HS2ST1: variants seen among roughly 807,000 people sequenced by gnomAD.
HS2ST1 encodes the protein heparan sulfate 2-O-sulfotransferase 1, also known as 2-O-sulfotransferase.
A neutral mutation model predicts 42.9 loss-of-function variants in HS2ST1; 18 were observed. The ratio of observed to expected loss-of-function variants is 0.42; its 90% confidence interval spans 0.29 to 0.62. HS2ST1 has a LOEUF of 0.62. Among genes scored for constraint, HS2ST1 ranks in the 20% least tolerant of loss-of-function variants. HS2ST1 has a pLI of 0.21. For synonymous variants in HS2ST1, 146 were observed against 152.9 expected (o/e 0.95, Z 0.33); for missense variants, 334 against 433.8 (o/e 0.77, Z 2.04).
At chr1:87,055,315 C>G (rs771556464) in intron 1 of HS2ST1, among the ~76,000 whole-genome samples, 9 of 152,122 alleles carry the variant, frequency 5.9e-5, no homozygotes, top group Non-Finnish European at 1.2e-4. Context: ...CTCAAATTCA[C>G]TGAATGGTAC....
intron 1 of HS2ST1, among the ~76,000 whole-genome samples, chr1:86,983,800 TG>T (rs1334385979): frequency 6.6e-6 from 1 of 151,908 alleles, no homozygotes; most frequent in African/African-American, 2.4e-5. Flanking sequence ...CCCAGCCCTT[TG>T]GGAGGCCGAG....
chr1:87,023,648 C>T (rs947931188), intron 1 of HS2ST1, among the ~76,000 whole-genome samples: 1 of 152,008 alleles, frequency 6.6e-6, no homozygotes, highest in Non-Finnish European at 1.5e-5. Flanking sequence ...ACTCTGTCTT[C>T]AACAGGTAGC....
intron 1 of HS2ST1, among the ~76,000 whole-genome samples, chr1:86,952,184 G>C (rs1647537807): frequency 6.6e-6 from 1 of 152,166 alleles, no homozygotes; most frequent in Non-Finnish European, 1.5e-5. Flanking sequence ...ACTTTGCCCA[G>C]ATAGAGGAAT....
Position 87,107,891 on chromosome 1 carries a change from A to G in HS2ST1, c.*3195A>G, listed in dbSNP as rs1487488807. ...GATTACTTTCCTATCATCCATATGCATTTGTGCAACTTCAAACATATTGGG... is the reference window on the plus strand; with the variant it reads ...GATTACTTTCCTATCATCCATATGCGTTTGTGCAACTTCAAACATATTGGG... On this transcript the variant is annotated 3_prime_UTR_variant, in exon 7 of 7. Coordinates refer to ENST00000370550, the MANE Select transcript of HS2ST1 (RefSeq NM_012262.4). 1.3e-5 allele frequency: 2 copies of G among 152,096 alleles called. No homozygotes were observed. Among genetic ancestry groups the G allele is most frequent in the African/African-American group, 4.8e-5 (2 of 41,444 alleles). 9.4% of individuals were successfully genotyped at this position (152,096 alleles called of 1,614,324 possible).
intron 1 of HS2ST1, among the ~76,000 whole-genome samples, chr1:87,069,514 A>G (rs1315571359): frequency 6.6e-6 from 1 of 152,216 alleles, no homozygotes; most frequent in African/African-American, 2.4e-5. Context: ...GATTTTAAGT[A>G]TTGCCACAGA....
chr1:87,022,954 G>C (rs1570492270), intron 1 of HS2ST1, among the ~76,000 whole-genome samples: 1 of 152,274 alleles, frequency 6.6e-6, no homozygotes, highest in South Asian at 2.1e-4. Flanking sequence ...AGCTGAGGTG[G>C]ATGTAGGAGG....
chr1:87,014,471 A>G (rs143475351), intron 1 of HS2ST1, among the ~76,000 whole-genome samples: 53 of 152,352 alleles, frequency 3.5e-4, no homozygotes, highest in African/African-American at 1.3e-3. Flanking sequence ...GGGAGCTGCA[A>G]TTTGAGATGT....
chr1:87,023,889 G>A (rs1353674213), intron 1 of HS2ST1, among the ~76,000 whole-genome samples: 1 of 151,676 alleles, frequency 6.6e-6, no homozygotes, highest in Non-Finnish European at 1.5e-5. Flanking sequence ...AGGTCATGCC[G>A]CCACTGGGAC....
At chr1:87,101,370 T>A (rs1424716386) in intron 5 of HS2ST1, among the ~76,000 whole-genome samples, 1 of 151,878 alleles carries the variant, frequency 6.6e-6, no homozygotes, top group Non-Finnish European at 1.5e-5. Flanking sequence ...TTCGCTATGT[T>A]GGCCAGGCTG....
chr1:86,971,351 C>T (rs1426170094), intron 1 of HS2ST1, among the ~76,000 whole-genome samples: 1 of 152,160 alleles, frequency 6.6e-6, no homozygotes. Context: ...TTCTTCAGTT[C>T]TGTGAGCTAC....
intron 1 of HS2ST1, among the ~76,000 whole-genome samples, chr1:86,961,757 A>T (rs560404849): frequency 1.3e-5 from 2 of 152,222 alleles, no homozygotes; most frequent in African/African-American, 4.8e-5. Flanking sequence ...CCATTAGGTA[A>T]TCATTCCCTA....
At chr1:86,961,057 T>C (rs1409605326) in intron 1 of HS2ST1, among the ~76,000 whole-genome samples, 2 of 151,894 alleles carry the variant, frequency 1.3e-5, no homozygotes, top group Admixed American at 1.3e-4. Context: ...CAAACTGTGG[T>C]ACATCCAGAC....
At chr1:86,943,454 C>T (rs1322664143) in intron 1 of HS2ST1, among the ~76,000 whole-genome samples, 3 of 152,142 alleles carry the variant, frequency 2.0e-5, no homozygotes, top group African/African-American at 7.2e-5. Context: ...CAGTGCCCCA[C>T]GCCTTTAATC....
chr1:87,103,280 G>C lies in HS2ST1; in HGVS notation c.687-152G>C, dbSNP rs1652257992. 1.2e-5 allele frequency: 7 copies of C among 581,768 alleles called. No individual in the cohort carries two copies. In the East Asian group the frequency reaches 2.3e-4, roughly 19 times the overall value. 36.0% of individuals were successfully genotyped at this position (581,768 alleles called of 1,614,324 possible). On this transcript the variant is annotated intron_variant, in intron 5 of 6. Coordinates refer to ENST00000370550, the MANE Select transcript of HS2ST1 (RefSeq NM_012262.4). ...ATGGAAGCAAATGAAATTGGAAACA[G>C]GTGTGCCTCCCACAGGATGGTAATA... is the stretch of plus-strand genomic sequence containing the variant.
At chr1:86,987,075 T>TG (rs1382671587) in intron 1 of HS2ST1, among the ~76,000 whole-genome samples, 5 of 148,908 alleles carry the variant, frequency 3.4e-5, no homozygotes, top group East Asian at 2.0e-4. Flanking sequence ...CAGGTTTTTT[T>TG]TTTTTTTTTT....
At chr1:86,925,428 T>A (rs930005234) in intron 1 of HS2ST1, among the ~76,000 whole-genome samples, 3 of 152,202 alleles carry the variant, frequency 2.0e-5, no homozygotes, top group African/African-American at 7.2e-5. Flanking sequence ...TTAGTCCGTT[T>A]TCATGCTGCT....
chr1:87,036,280 T>G (rs1043852697), intron 1 of HS2ST1, among the ~76,000 whole-genome samples: 2 of 152,202 alleles, frequency 1.3e-5, no homozygotes, highest in Non-Finnish European at 2.9e-5. Flanking sequence ...CATGTGTCTT[T>G]ATAGCACATG....
chr1:87,017,875 A>G (rs1263305415), intron 1 of HS2ST1, among the ~76,000 whole-genome samples: 1 of 152,150 alleles, frequency 6.6e-6, no homozygotes, highest in Non-Finnish European at 1.5e-5. Context: ...AAATCAGAAT[A>G]TTCAAATTTT....
chr1:86,975,261 T>C (rs1648364077), intron 1 of HS2ST1, among the ~76,000 whole-genome samples: 1 of 152,038 alleles, frequency 6.6e-6, no homozygotes, highest in Non-Finnish European at 1.5e-5. Context: ...GATCAGTGTT[T>C]TAAAATTATA....
Sources: gnomAD v4.1 joint callset for allele counts (sites outside exome capture counted in the v4.1 genomes callset) on GRCh38, gnomAD v4.1.1 for gene constraint, MANE v1.5 for transcripts, NCBI Gene and HGNC (gene_info 2026-07-23, HGNC 2026-07-21) for gene names.